The following VRK2 variants were observed in gnomAD, a reference collection of about 807,000 sequenced individuals.
VRK2 encodes the protein serine/threonine-protein kinase VRK2.
In VRK2, 60 loss-of-function variants were observed where a neutral mutation model predicts 57.6. That is an observed-to-expected ratio of 1.04 (90% CI 0.85 to 1.29). The LOEUF (loss-of-function observed/expected upper bound fraction) is 1.29. Ranked by LOEUF, VRK2 falls within the 50% of genes most tolerant of loss-of-function variation. The probability of loss-of-function intolerance (pLI) is 0.00; values close to 1 mark genes in which losing one functional copy is unlikely to be tolerated. For missense variants in VRK2, 705 were observed against 588.1 expected (o/e 1.20, Z -2.06); for synonymous variants, 231 against 199.2 (o/e 1.16, Z -1.35).
At chr2:58,081,301 CTG>C (rs914668094) in intron 2 of VRK2, among the ~76,000 whole-genome samples, 2 of 151,854 alleles carry the variant, frequency 1.3e-5, no homozygotes, top group Non-Finnish European at 2.9e-5. Flanking sequence ...TGTGTCATAA[CTG>C]TGTGTGTTCA....
chr2:57,940,471 C>T (rs141667309), intron 1 of VRK2, among the ~76,000 whole-genome samples: 1 of 152,096 alleles, frequency 6.6e-6, no homozygotes, highest in Non-Finnish European at 1.5e-5. Context: ...TCTGGAAACA[C>T]CCTCACAGAC....
chr2:58,083,235 A>AT (rs1201318644), intron 2 of VRK2, among the ~76,000 whole-genome samples: 1 of 151,592 alleles, frequency 6.6e-6, no homozygotes, highest in Non-Finnish European at 1.5e-5. Flanking sequence ...TATTTTAGCT[A>AT]TTTAAATGAG....
intron 1 of VRK2, among the ~76,000 whole-genome samples, chr2:57,917,030 C>G (rs1176118682): frequency 1.3e-5 from 2 of 151,934 alleles, no homozygotes; most frequent in Non-Finnish European, 2.9e-5. Context: ...TGTACAATCT[C>G]TAGATTACTA....
intron 1 of VRK2, among the ~76,000 whole-genome samples, chr2:57,998,335 A>G (rs1672988789): frequency 6.6e-6 from 1 of 152,226 alleles, no homozygotes; most frequent in Non-Finnish European, 1.5e-5. Flanking sequence ...ATCTAATACA[A>G]TCAATCAATA....
chr2:58,120,184 C>CTTTCTTTTTTTTTTTTTTTTTT (rs1677215194), intron 7 of VRK2, among the ~76,000 whole-genome samples: 3 of 51,988 alleles, frequency 5.8e-5, no homozygotes, highest in African/African-American at 3.1e-4. Context: ...TTTTTCTTTT[C>CTTTCTTTTTTTTTTTTTTTTTT]TTTTTTTTTT....
intron 1 of VRK2, among the ~76,000 whole-genome samples, chr2:57,939,884 T>C (rs1671037357): frequency 6.6e-6 from 1 of 152,146 alleles, no homozygotes; most frequent in African/African-American, 2.4e-5. Context: ...TTATTGGGTA[T>C]TGATAAATTT....
intron 11 of VRK2, 120 bp downstream of exon 11, chr2:58,139,952 C>A: frequency 9.1e-7 from 1 of 1,095,596 alleles, no homozygotes; most frequent in Non-Finnish European, 1.3e-6. Context: ...ATTTAACTCC[C>A]ATTTTGCCTA....
At chr2:58,137,918 G>A (rs933682836) in intron 10 of VRK2, among the ~76,000 whole-genome samples, 1 of 151,858 alleles carries the variant, frequency 6.6e-6, no homozygotes, top group Non-Finnish European at 1.5e-5. Context: ...CAATATCTAC[G>A]CTTCAGGTTT....
intron 1 of VRK2, among the ~76,000 whole-genome samples, chr2:57,937,221 A>T (rs1031728548): frequency 6.6e-6 from 1 of 152,186 alleles, no homozygotes; most frequent in African/African-American, 2.4e-5. Context: ...ATACTTCTTC[A>T]TTGCTTTGGG....
intron 3 of VRK2, among the ~76,000 whole-genome samples, 189 bp downstream of exon 3, chr2:58,084,327 CTGGTG>C (rs1332854807): frequency 5.3e-5 from 8 of 151,752 alleles, no homozygotes. Context: ...AGCTATTACC[CTGGTG>C]TGTTATCTAT....
intron 1 of VRK2, among the ~76,000 whole-genome samples, chr2:57,962,921 C>T (rs558646193): frequency 2.6e-5 from 4 of 152,194 alleles, no homozygotes; most frequent in East Asian, 1.9e-4. Flanking sequence ...GGTGGAAAAT[C>T]GATTTGGGAG....
chr2:58,034,764 A>G (rs922918737), intron 3 of VRK2, among the ~76,000 whole-genome samples: 2 of 149,912 alleles, frequency 1.3e-5, no homozygotes, highest in African/African-American at 5.0e-5. Context: ...ACCAGGTTCC[A>G]GAGGTTTTTT....
intron 12 of VRK2, 85 bp from the exon 13 acceptor site, chr2:58,159,264 T>C (rs1684650796): frequency 9.6e-7 from 1 of 1,037,888 alleles, no homozygotes; most frequent in African/African-American, 1.6e-5. Flanking sequence ...TAACATTTTA[T>C]TTAGCATTCT....
At chr2:58,098,169 A>G (rs1246142887) in intron 7 of VRK2, among the ~76,000 whole-genome samples, 10 of 152,162 alleles carry the variant, frequency 6.6e-5, no homozygotes, top group Admixed American at 5.9e-4. Flanking sequence ...GAATAAGGAT[A>G]TAAAGTATTT....
intron 7 of VRK2, among the ~76,000 whole-genome samples, chr2:58,090,400 CAAA>C (rs888066524): frequency 1.2e-4 from 6 of 49,346 alleles, no homozygotes; most frequent in Admixed American, 2.1e-4. Context: ...AACTCCATCT[CAAA>C]AAAAAAAAAA....
At chr2:57,939,066 G>A (rs1464470050) in intron 1 of VRK2, among the ~76,000 whole-genome samples, 3 of 152,116 alleles carry the variant, frequency 2.0e-5, no homozygotes, top group African/African-American at 7.2e-5. Flanking sequence ...GGATCTGGAA[G>A]AAAAGACAAG....
chr2:58,149,287 A>C (rs890207010), intron 12 of VRK2, among the ~76,000 whole-genome samples: 9 of 151,776 alleles, frequency 5.9e-5, no homozygotes, highest in South Asian at 2.1e-4. Context: ...GTAATTTTCA[A>C]AATTTCATAT....
chr2:58,007,215 TCC>T (rs1673274487), intron 1 of VRK2, among the ~76,000 whole-genome samples: 1 of 143,972 alleles, frequency 6.9e-6, no homozygotes, highest in Non-Finnish European at 1.5e-5. Context: ...TCTCTCTCTC[TCC>T]CTCTCTCTCT....
chr2:57,936,401 G>A (rs998721908), intron 1 of VRK2, among the ~76,000 whole-genome samples: 3 of 152,068 alleles, frequency 2.0e-5, no homozygotes, highest in Non-Finnish European at 4.4e-5. Flanking sequence ...CGTTTCATTT[G>A]CCTTACAAAA....
Sources: allele counts gnomAD v4.1 joint callset (sites outside exome capture counted in the v4.1 genomes callset), GRCh38; gene constraint gnomAD v4.1.1; transcripts MANE v1.5; gene names NCBI Gene and HGNC (gene_info 2026-07-23, HGNC 2026-07-21).